JARID2: variants seen among roughly 807,000 people sequenced by gnomAD.
JARID2 encodes the protein jumonji and AT-rich interaction domain containing 2, also known as protein Jumonji.
A neutral mutation model predicts 125.6 loss-of-function variants in JARID2; 21 were observed. That is an observed-to-expected ratio of 0.17 (90% CI 0.12 to 0.24). JARID2 has a LOEUF of 0.24. Among genes scored for constraint, JARID2 ranks in the 10% least tolerant of loss-of-function variants. The pLI, the probability that JARID2 is intolerant of heterozygous loss-of-function variation, is 1.00. For missense variants in JARID2, 1,303 were observed against 1,639.6 expected, an observed-to-expected ratio of 0.79 and a Z score of 3.55; for synonymous variants, 736 against 661.6, an observed-to-expected ratio of 1.11 and a Z score of -1.73.
chr6:15,448,975 A>T (rs1464205954), intron 3 of JARID2, among the ~76,000 whole-genome samples: 1 of 152,112 alleles, frequency 6.6e-6, no homozygotes, highest in Non-Finnish European at 1.5e-5. Context: ...GTAATTAAAA[A>T]AAAAAAGACA....
At chr6:15,322,069 G>A (rs536855059) in intron 1 of JARID2, among the ~76,000 whole-genome samples, 83 of 152,286 alleles carry the variant, frequency 5.5e-4, no homozygotes, top group Admixed American at 1.4e-3. Flanking sequence ...ACAGGCATGA[G>A]CTACCGCGCC....
intron 15 of JARID2, 33 bp from the exon 16 acceptor site, chr6:15,513,206 C>G: frequency 1.3e-6 from 2 of 1,554,186 alleles, no homozygotes; most frequent in Non-Finnish European, 1.7e-6. Flanking sequence ...CAGGCCGTCA[C>G]TAAAGGTGCG....
chr6:15,406,271 T>C (rs769833986), intron 2 of JARID2, among the ~76,000 whole-genome samples: 25 of 152,286 alleles, frequency 1.6e-4, no homozygotes, highest in Non-Finnish European at 2.6e-4. Flanking sequence ...CCGTCTCTAC[T>C]AAAATTACAA....
chr6:15,335,725 G>A (rs1192522521), intron 1 of JARID2, among the ~76,000 whole-genome samples: 4 of 152,108 alleles, frequency 2.6e-5, no homozygotes, highest in African/African-American at 4.8e-5. Context: ...TGCCCCTCAA[G>A]CCTTAAGCAT....
intron 7 of JARID2, among the ~76,000 whole-genome samples, chr6:15,497,926 C>A (rs1770544180): frequency 6.6e-6 from 1 of 152,212 alleles, no homozygotes; most frequent in Non-Finnish European, 1.5e-5. Flanking sequence ...TGTGTCCTCA[C>A]AGGGTCCTAC....
intron 1 of JARID2, among the ~76,000 whole-genome samples, chr6:15,365,050 T>C (rs1763927359): frequency 6.6e-6 from 1 of 152,226 alleles, no homozygotes; most frequent in Non-Finnish European, 1.5e-5. Flanking sequence ...GATCCAAATA[T>C]TAGAATTTCT....
At chr6:15,321,783 GTTTTTTTTTTTTTTTT>G (rs71687714) in intron 1 of JARID2, among the ~76,000 whole-genome samples, 2 of 68,474 alleles carry the variant, frequency 2.9e-5, no homozygotes, top group South Asian at 7.3e-4. Flanking sequence ...AAGAATTCTT[GTTTTTTTTTTTTTTTT>G]TTTTTTTTTT....
At chr6:15,422,954 A>G (rs1581541807) in intron 3 of JARID2, among the ~76,000 whole-genome samples, 1 of 143,390 alleles carries the variant, frequency 7.0e-6, no homozygotes, top group African/African-American at 2.6e-5. Context: ...CTACTTGACT[A>G]TGCTATCAAG....
chr6:15,420,827 C>G (rs757278815), intron 3 of JARID2, among the ~76,000 whole-genome samples: 1 of 152,180 alleles, frequency 6.6e-6, no homozygotes. Flanking sequence ...AAAACCCTTA[C>G]GAGTATTTTA....
chr6:15,254,006 G>A (rs1759557267), intron 1 of JARID2, among the ~76,000 whole-genome samples: 5 of 152,226 alleles, frequency 3.3e-5, no homozygotes, highest in Admixed American at 3.3e-4. Flanking sequence ...AGAAGAAAAG[G>A]TTGTAAAAGG....
intron 3 of JARID2, among the ~76,000 whole-genome samples, chr6:15,450,823 G>A (rs1767889210): frequency 6.6e-6 from 1 of 152,198 alleles, no homozygotes; most frequent in Non-Finnish European, 1.5e-5. Context: ...TGGAGAGAAA[G>A]GGAAATTTCT....
intron 3 of JARID2, among the ~76,000 whole-genome samples, chr6:15,423,890 G>C (rs1212921470): frequency 6.6e-6 from 1 of 152,076 alleles, no homozygotes; most frequent in African/African-American, 2.4e-5. Flanking sequence ...GCCTTTGCAG[G>C]TGCCCTGTCT....
At position 15,520,099 on chromosome 6, in the gene JARID2, T is replaced by G; in HGVS notation, c.3589T>G (p.Cys1197Gly). The G allele has an allele frequency of 6.2e-7, 1 of 1,613,568 alleles. No individual in the cohort carries two copies. The highest frequency in any genetic ancestry group is 8.5e-7 in the Non-Finnish European group (1 of 1,179,796). The change falls in exon 18 of 18, where the codon TGC (cysteine) becomes GGC (glycine). Residue 1197 changes from cysteine to glycine, a missense_variant. Cys to Gly is a radical substitution (Grantham distance 159). This residue lies in a region of JARID2 where 75 missense variants were observed against 66.0 expected (regional missense o/e 1.14). Transcript: ENST00000341776. The stretch of plus-strand genomic sequence containing the variant: ...GATTATCAGTCTGGTCAATCAGATC[T>G]GCGGCAAAGTGTCTGGTAAAAACGG... ...EQIISLVNQI[C>G]GKVSGKNGSI...
intron 16 of JARID2, 33 bp downstream of exon 16, chr6:15,513,455 A>G (rs765849511): frequency 6.4e-7 from 1 of 1,566,088 alleles, no homozygotes; most frequent in Non-Finnish European, 8.7e-7. Flanking sequence ...GCGCCCTCGC[A>G]TGTAGTGCTT....
chr6:15,271,860 C>T (rs756771692), intron 1 of JARID2, among the ~76,000 whole-genome samples: 2 of 152,116 alleles, frequency 1.3e-5, no homozygotes, highest in Non-Finnish European at 2.9e-5. Flanking sequence ...AGTAGCTGGG[C>T]GTGGTGGTGT....
chr6:15,424,160 G>T (rs1312724984), intron 3 of JARID2, among the ~76,000 whole-genome samples: 1 of 149,968 alleles, frequency 6.7e-6, no homozygotes, highest in Non-Finnish European at 1.5e-5. Flanking sequence ...AAGAGATGGG[G>T]TCTTGCTTTG....
At chr6:15,348,905 C>T (rs115726726) in intron 1 of JARID2, among the ~76,000 whole-genome samples, 3 of 152,118 alleles carry the variant, frequency 2.0e-5, no homozygotes, top group East Asian at 1.9e-4. Flanking sequence ...AAAAGAAATA[C>T]TTACTTCAGT....
intron 1 of JARID2, among the ~76,000 whole-genome samples, chr6:15,344,505 A>G (rs1245200511): frequency 1.3e-5 from 2 of 151,756 alleles, no homozygotes; most frequent in African/African-American, 2.4e-5. Flanking sequence ...CACTTACCAT[A>G]TACAGTTCAC....
intron 1 of JARID2, among the ~76,000 whole-genome samples, chr6:15,319,574 G>A (rs1762285548): frequency 6.6e-6 from 1 of 151,980 alleles, no homozygotes; most frequent in Non-Finnish European, 1.5e-5. Flanking sequence ...ATTTTTTTGT[G>A]TATGTGTTTT....
Sources: gnomAD v4.1 joint callset for allele counts (sites outside exome capture counted in the v4.1 genomes callset) on GRCh38, gnomAD v4.1.1 for gene constraint, gnomAD v4.1.1 regional missense constraint, MANE v1.5 for transcripts, NCBI Gene and HGNC (gene_info 2026-07-23, HGNC 2026-07-21) for gene names.